NLN: variants seen among roughly 807,000 people sequenced by gnomAD.
NLN encodes the protein neurolysin, mitochondrial.
NLN carries 64 observed loss-of-function variants against 79.9 expected under a neutral mutation model. The observed-to-expected ratio is 0.80, with a 90% CI of 0.65 to 0.99. The LOEUF (loss-of-function observed/expected upper bound fraction) is 0.99, where lower values mean the gene tolerates loss of function less well. Ranked by LOEUF, NLN falls within the 50% of genes least tolerant of loss-of-function variation. NLN has a pLI of 0.00. For synonymous variants in NLN, 267 were observed against 296.6 expected, an observed-to-expected ratio of 0.90 and a Z score of 1.02; for missense variants, 835 against 858.7, an observed-to-expected ratio of 0.97 and a Z score of 0.34.
At chr5:65,809,829 G>A in intron 10 of NLN, 128 bp downstream of exon 10, 1 of 963,298 alleles carries the variant, frequency 1.0e-6, no homozygotes, top group Non-Finnish European at 1.5e-6. Flanking sequence ...GAGGAGTGAA[G>A]AACATTAAAT....
In NLN at chr5:65,822,909, T is replaced by C. The variant is rs1395676984; in HGVS notation, c.2109T>C (p.Ala703=). 1 of 1,613,102 alleles carries C rather than the reference T, an allele frequency of 6.2e-7. No homozygotes were observed. Among genetic ancestry groups the C allele is most frequent in the Admixed American group, 1.7e-5 (1 of 59,972 alleles). Residue 703 remains alanine, a synonymous_variant, in exon 13 of 13, where the codon GCT becomes GCC. Transcript: ENST00000380985. ...KAFLMSRGLH[A]P ...TCCTAATGAGTAGAGGCCTGCATGCTCCGTGAACTGGGGATCTTTGGTAGC... is the reference window on the plus strand; with the variant it reads ...TCCTAATGAGTAGAGGCCTGCATGCCCCGTGAACTGGGGATCTTTGGTAGC...
intron 12 of NLN, among the ~76,000 whole-genome samples, chr5:65,817,938 C>T (rs1760704249): frequency 6.6e-6 from 1 of 152,202 alleles, no homozygotes; most frequent in Non-Finnish European, 1.5e-5. Context: ...AAGGTTTTTA[C>T]AAATGGCTTT....
At chr5:65,800,650 T>G (rs1219637996) in intron 9 of NLN, among the ~76,000 whole-genome samples, 1 of 145,282 alleles carries the variant, frequency 6.9e-6, no homozygotes, top group East Asian at 2.0e-4. Context: ...GCTTGGATAG[T>G]GAAGAAAACT....
Position 65,758,826 on chromosome 5 carries a change from G to A in NLN, c.301G>A (p.Val101Met). The A allele has an allele frequency of 1.9e-6, 3 of 1,608,324 alleles. No individual in the cohort carries two copies. The highest frequency in any genetic ancestry group is 2.6e-6 in the Non-Finnish European group (3 of 1,175,292). ...ALADVEVKYI[V>M]ERTMLDFPQH... ...GGCAGATGTAGAAGTAAAGTATATA[G>A]GTGGGTCAGATGCAGAAGCATATCA... Residue 101 changes from valine to methionine, a missense_variant and splice_region_variant, in exon 2 of 13, where the codon GTG (valine) becomes ATG (methionine). Coordinates refer to ENST00000380985, the MANE Select transcript of NLN (RefSeq NM_020726.5).
intron 9 of NLN, among the ~76,000 whole-genome samples, chr5:65,800,802 C>T (rs1760270515): frequency 6.6e-6 from 1 of 151,890 alleles, no homozygotes; most frequent in African/African-American, 2.4e-5. Context: ...GCGATCCTCC[C>T]ATCTCAGACT....
chr5:65,784,922 A>G (rs987224969), intron 6 of NLN, among the ~76,000 whole-genome samples: 1 of 152,206 alleles, frequency 6.6e-6, no homozygotes, highest in Non-Finnish European at 1.5e-5. Flanking sequence ...GTGGAATAAT[A>G]AAATATTTGT....
chr5:65,793,262 A>T, intron 9 of NLN: 1 of 176,370 alleles, frequency 5.7e-6, no homozygotes, highest in East Asian at 1.7e-4. Flanking sequence ...GGCCCAGACT[A>T]TTCTAGCATG....
chr5:65,738,884 G>A (rs938290215), intron 1 of NLN, among the ~76,000 whole-genome samples: 1 of 147,346 alleles, frequency 6.8e-6, no homozygotes, highest in South Asian at 2.1e-4. Context: ...AGCCTCCTGA[G>A]TAGCTGGGAT....
rs148800658 is a variant in NLN, at chr5:65,810,354, G to C, written c.1843+189G>C. On this transcript the variant is annotated intron_variant, in intron 11 of 12. Coordinates refer to ENST00000380985, the MANE Select transcript of NLN (RefSeq NM_020726.5). ...CCCGTCCAAATGCGCTTGAAGGAAAGGTGGCTCCAGATCTGCAGCATTTTA... is the reference window on the plus strand; with the variant it reads ...CCCGTCCAAATGCGCTTGAAGGAAACGTGGCTCCAGATCTGCAGCATTTTA... Among the ~76,000 whole-genome samples, 88 of 152,288 alleles carry C rather than the reference G, an allele frequency of 5.8e-4. No homozygotes were observed. The East Asian group carries it at 0.016, about 28-fold the overall frequency.
intron 9 of NLN, among the ~76,000 whole-genome samples, chr5:65,800,562 C>T (rs190115906): frequency 1.3e-5 from 2 of 152,184 alleles, no homozygotes; most frequent in East Asian, 1.9e-4. Flanking sequence ...GTAGCCCCAG[C>T]TACTCGGGAG....
rs188588500 is a variant in NLN at position 65,827,342 on chromosome 5, C to T, written c.*4427C>T. The T allele has an allele frequency of 6.6e-6, 1 of 152,292 alleles. No homozygotes were observed. The highest frequency in any genetic ancestry group is 1.9e-4 in the East Asian group (1 of 5,182). The allele number at this position is 152,292 out of a possible 1,614,324, so 9.4% of individuals were successfully genotyped here. ...TGAACAGGAAATAGACTCCCTTATT[C>T]TGCTCACATGAGCTGGAACCTGTAC... On this transcript the variant is annotated 3_prime_UTR_variant, in exon 13 of 13. Transcript: ENST00000380985.
At chr5:65,750,665 A>G (rs748824052) in intron 1 of NLN, among the ~76,000 whole-genome samples, 14 of 152,178 alleles carry the variant, frequency 9.2e-5, no homozygotes, top group Non-Finnish European at 2.1e-4. Context: ...ACAGTGAGCT[A>G]TGACTGTACC....
intron 8 of NLN, among the ~76,000 whole-genome samples, chr5:65,790,600 T>C (rs2150763173): frequency 6.6e-6 from 1 of 152,268 alleles, no homozygotes; most frequent in African/African-American, 2.4e-5. Flanking sequence ...CATGAATCAA[T>C]TACTTCCCAC....
intron 8 of NLN, among the ~76,000 whole-genome samples, chr5:65,791,131 A>G (rs1760048387): frequency 6.6e-6 from 1 of 152,230 alleles, no homozygotes; most frequent in African/African-American, 2.4e-5. Flanking sequence ...AATAGGTTTT[A>G]AAAAGACCAG....
intron 12 of NLN, among the ~76,000 whole-genome samples, chr5:65,822,453 G>A (rs544864264): frequency 8.5e-5 from 13 of 152,322 alleles, no homozygotes. Context: ...GAAATCACGA[G>A]AGATAGCATA....
At chr5:65,771,214 A>T (rs1301451) in intron 3 of NLN, among the ~76,000 whole-genome samples, 6 of 152,008 alleles carry the variant, frequency 3.9e-5, no homozygotes, top group Non-Finnish European at 7.4e-5. Flanking sequence ...GGACTTCCTC[A>T]TCCTTTTAAG....
intron 12 of NLN, among the ~76,000 whole-genome samples, chr5:65,819,330 G>A (rs934925699): frequency 6.6e-6 from 1 of 152,154 alleles, no homozygotes; most frequent in Admixed American, 6.5e-5. Flanking sequence ...ATGCTAGAGA[G>A]CAAACAGAAT....
At chr5:65,737,502 C>T (rs1758753637) in intron 1 of NLN, among the ~76,000 whole-genome samples, 1 of 152,134 alleles carries the variant, frequency 6.6e-6, no homozygotes, top group East Asian at 1.9e-4. Context: ...ACCTCCACTA[C>T]TTAACATGGT....
chr5:65,740,559 T>C (rs1758845826), intron 1 of NLN, among the ~76,000 whole-genome samples: 1 of 152,168 alleles, frequency 6.6e-6, no homozygotes, highest in African/African-American at 2.4e-5. Flanking sequence ...CTTACATTTA[T>C]GTCTTTAATC....
Sources: gnomAD v4.1 joint callset for allele counts (sites outside exome capture counted in the v4.1 genomes callset) on GRCh38, gnomAD v4.1.1 for gene constraint, MANE v1.5 for transcripts, NCBI Gene and HGNC (gene_info 2026-07-23, HGNC 2026-07-21) for gene names.